Variants in FOXP2 observed in about 807,000 individuals in gnomAD.
FOXP2 encodes the protein forkhead box P2.
In FOXP2, 12 loss-of-function variants were observed where a neutral mutation model predicts 115.8. The ratio of observed to expected loss-of-function variants is 0.10; its 90% CI spans 0.07 to 0.17. FOXP2 has a LOEUF of 0.17. Among genes scored for constraint, FOXP2 ranks in the 10% least tolerant of loss-of-function variants. FOXP2 has a pLI of 1.00. For synonymous variants in FOXP2, 328 were observed against 297.7 expected (o/e 1.10, Z -1.05); for missense variants, 629 against 843.5 (o/e 0.75, Z 3.15).
At chr7:114,106,896 T>C (rs1176646955) in intron 1 of FOXP2, among the ~76,000 whole-genome samples, 1 of 152,046 alleles carries the variant, frequency 6.6e-6, no homozygotes, top group Non-Finnish European at 1.5e-5. Context: ...TTTACGTATG[T>C]TTTTAAGTTA....
At chr7:114,210,360 A>G (rs1010972677) in intron 1 of FOXP2, among the ~76,000 whole-genome samples, 2 of 151,990 alleles carry the variant, frequency 1.3e-5, no homozygotes, top group African/African-American at 4.8e-5. Context: ...TTCTTGTTTT[A>G]TGCCTGATTT....
At chr7:114,175,696 T>C (rs1793272352) in intron 1 of FOXP2, among the ~76,000 whole-genome samples, 1 of 152,124 alleles carries the variant, frequency 6.6e-6, no homozygotes, top group Admixed American at 6.5e-5. Flanking sequence ...ATCAACCATC[T>C]CAGATAATGG....
At chr7:114,622,121 C>T (rs572654271) in intron 3 of FOXP2, among the ~76,000 whole-genome samples, 83 of 151,938 alleles carry the variant, frequency 5.5e-4, no homozygotes, top group African/African-American at 1.7e-3. Context: ...CAGTGTAAAG[C>T]GCAAAAAGCT....
chr7:114,341,496 A>G (rs1172362246), intron 2 of FOXP2, among the ~76,000 whole-genome samples: 1 of 151,414 alleles, frequency 6.6e-6, no homozygotes, highest in Non-Finnish European at 1.5e-5. Flanking sequence ...CAAACAAAAA[A>G]TCTAACAGCA....
chr7:114,675,889 C>T (rs888726924), intron 16 of FOXP2, among the ~76,000 whole-genome samples: 5 of 150,952 alleles, frequency 3.3e-5, no homozygotes, highest in African/African-American at 4.8e-5. Flanking sequence ...TACACATTTT[C>T]TTTATTTTAT....
chr7:114,672,432 A>G (rs992578906), intron 16 of FOXP2, among the ~76,000 whole-genome samples: 2 of 152,108 alleles, frequency 1.3e-5, no homozygotes, highest in Non-Finnish European at 2.9e-5. Flanking sequence ...TAAAAATACA[A>G]AAATTAGCTG....
At chr7:114,689,306 G>T (rs1436587140) in intron 16 of FOXP2, among the ~76,000 whole-genome samples, 1 of 151,836 alleles carries the variant, frequency 6.6e-6, no homozygotes, top group East Asian at 1.9e-4. Flanking sequence ...ACCCAATCTA[G>T]CTTATACTGG....
intron 2 of FOXP2, among the ~76,000 whole-genome samples, chr7:114,377,685 T>C (rs939827493): frequency 6.6e-6 from 1 of 152,242 alleles, no homozygotes; most frequent in Non-Finnish European, 1.5e-5. Context: ...ATCTTAGGTA[T>C]GATAATGGTC....
intron 3 of FOXP2, among the ~76,000 whole-genome samples, chr7:114,567,605 G>A (rs1444068175): frequency 6.6e-6 from 1 of 152,188 alleles, no homozygotes; most frequent in African/African-American, 2.4e-5. Flanking sequence ...GTGCTTATTA[G>A]AAACAGATGC....
intron 16 of FOXP2, among the ~76,000 whole-genome samples, chr7:114,679,746 A>G (rs747998862): frequency 2.0e-5 from 3 of 152,034 alleles, no homozygotes; most frequent in Non-Finnish European, 4.4e-5. Flanking sequence ...ATTTTCACCT[A>G]TTACAAAGCC....
intron 2 of FOXP2, among the ~76,000 whole-genome samples, chr7:114,534,049 C>T (rs1799261137): frequency 2.6e-5 from 4 of 151,778 alleles, no homozygotes; most frequent in African/African-American, 9.7e-5. Context: ...AAATGAAAAC[C>T]ACTCAATTTT....
At chr7:114,521,086 T>G (rs1311498965) in intron 2 of FOXP2, among the ~76,000 whole-genome samples, 1 of 152,140 alleles carries the variant, frequency 6.6e-6, no homozygotes, top group East Asian at 1.9e-4. Flanking sequence ...AATTTGAAAT[T>G]TGTTTCTATT....
At chr7:114,368,547 G>C (rs979571181) in intron 2 of FOXP2, among the ~76,000 whole-genome samples, 1 of 152,118 alleles carries the variant, frequency 6.6e-6, no homozygotes, top group South Asian at 2.1e-4. Context: ...CCTGAAGAAG[G>C]GTGGCAGAAC....
chr7:114,267,510 C>T (rs1332365279), intron 1 of FOXP2, among the ~76,000 whole-genome samples: 7 of 151,850 alleles, frequency 4.6e-5, no homozygotes, highest in East Asian at 3.9e-4. Flanking sequence ...AAGCAGATCA[C>T]GAGTTCAGGA....
At chr7:114,372,194 A>T (rs1268899908) in intron 2 of FOXP2, among the ~76,000 whole-genome samples, 1 of 152,164 alleles carries the variant, frequency 6.6e-6, no homozygotes, top group Non-Finnish European at 1.5e-5. Flanking sequence ...TATAACAAAA[A>T]TATCTGTCCT....
At chr7:114,561,871 C>T (rs1157687323) in intron 3 of FOXP2, among the ~76,000 whole-genome samples, 2 of 152,108 alleles carry the variant, frequency 1.3e-5, no homozygotes, top group African/African-American at 4.8e-5. Context: ...TTTACAACAG[C>T]TTCTAACTCC....
At chr7:114,495,182 G>A (rs1301302178) in intron 2 of FOXP2, among the ~76,000 whole-genome samples, 1 of 152,172 alleles carries the variant, frequency 6.6e-6, no homozygotes, top group Non-Finnish European at 1.5e-5. Flanking sequence ...ATGTGCACTA[G>A]AATGTGTTGG....
intron 1 of FOXP2, among the ~76,000 whole-genome samples, chr7:114,249,135 G>C (rs913789354): frequency 2.6e-5 from 4 of 152,182 alleles, no homozygotes; most frequent in African/African-American, 9.7e-5. Context: ...GAGTAAGGGG[G>C]AAAAGTAATG....
At chr7:114,664,475 AT>A (rs1563068246) in intron 16 of FOXP2, 39 bp downstream of exon 16, 1 of 1,609,292 alleles carries the variant, frequency 6.2e-7, no homozygotes, top group South Asian at 1.1e-5. Flanking sequence ...GGAAGAATCT[AT>A]ATTAATATGC....
Sources: allele counts gnomAD v4.1 joint callset (sites outside exome capture counted in the v4.1 genomes callset), GRCh38; gene constraint gnomAD v4.1.1; transcripts MANE v1.5; gene names NCBI Gene and HGNC (gene_info 2026-07-23, HGNC 2026-07-21).